The following THRAP3 variants were observed in gnomAD, a reference collection of about 807,000 sequenced individuals.
THRAP3 encodes the protein thyroid hormone receptor-associated protein 3.
THRAP3 carries 16 observed loss-of-function variants against 101.0 expected under a neutral mutation model. The ratio of observed to expected loss-of-function variants is 0.16; its 90% CI spans 0.11 to 0.24. The LOEUF (loss-of-function observed/expected upper bound fraction) is 0.24, where lower values mean the gene tolerates loss of function less well. Among genes scored for constraint, THRAP3 ranks in the 10% least tolerant of loss-of-function variants. The pLI is 1.00. For missense variants in THRAP3, 989 were observed against 1,202.7 expected, an observed-to-expected ratio of 0.82 and a Z score of 2.63; for synonymous variants, 407 against 422.6, an observed-to-expected ratio of 0.96 and a Z score of 0.45.
At chr1:36,233,148 G>A (rs1247516730) in intron 1 of THRAP3, among the ~76,000 whole-genome samples, 5 of 150,824 alleles carry the variant, frequency 3.3e-5, no homozygotes, top group Middle Eastern at 3.4e-3. Flanking sequence ...GATTACAGGC[G>A]TGAGCCACTG....
chr1:36,291,345 A>C, intron 5 of THRAP3, 29 bp from the exon 6 acceptor site: 18 of 1,607,452 alleles, frequency 1.1e-5, no homozygotes, highest in Non-Finnish European at 1.5e-5. Flanking sequence ...ATTGTGTTCT[A>C]ATTGGGCCTC....
At chr1:36,302,121 A>G (rs1646037547) in intron 11 of THRAP3, among the ~76,000 whole-genome samples, 2 of 152,204 alleles carry the variant, frequency 1.3e-5, no homozygotes, top group Non-Finnish European at 1.5e-5. Context: ...TGTCTCTCCA[A>G]AATGAAATGC....
Position 36,295,287 on chromosome 1 carries a change from C to CT in THRAP3, c.2116-1286dup, listed in dbSNP as rs746652907. Reference sequence around the variant, plus strand: ...AGTTTCTGCCACTCCTGCTGTTAAACTTTTTTTTTTAAAAGTTTAGTAGTT... The same window carrying CT: ...AGTTTCTGCCACTCCTGCTGTTAAACTTTTTTTTTTTAAAAGTTTAGTAGTT... On this transcript the variant is annotated intron_variant, in intron 8 of 11. Coordinates refer to ENST00000354618, the MANE Select transcript of THRAP3 (RefSeq NM_005119.4). 1.6e-3 allele frequency among the ~76,000 whole-genome samples: 228 copies of CT among 144,674 alleles called. 1 individual carries two copies. The highest frequency in any genetic ancestry group is 2.5e-3 in the Non-Finnish European group (164 of 65,544). 94.9% of individuals were successfully genotyped at this position (144,674 alleles called of 152,430 possible).
intron 5 of THRAP3, 67 bp downstream of exon 5, chr1:36,289,831 C>G: frequency 6.6e-7 from 1 of 1,515,758 alleles, no homozygotes; most frequent in Non-Finnish European, 8.8e-7. Context: ...AGCCTTTCTC[C>G]CTGGGGACAT....
At chr1:36,238,395 G>T (rs540323304) in intron 1 of THRAP3, among the ~76,000 whole-genome samples, 9 of 152,188 alleles carry the variant, frequency 5.9e-5, no homozygotes, top group Admixed American at 3.9e-4. Flanking sequence ...GGAAATATGT[G>T]GTATGAAAAA....
chr1:36,268,101 A>G (rs1256374225), intron 2 of THRAP3, among the ~76,000 whole-genome samples: 1 of 151,764 alleles, frequency 6.6e-6, no homozygotes, highest in Non-Finnish European at 1.5e-5. Flanking sequence ...AATCACTTGA[A>G]CCCAAGAGGT....
upstream of THRAP3, among the ~76,000 whole-genome samples, chr1:36,221,848 T>C (rs954673947): frequency 1.3e-5 from 2 of 151,694 alleles, no homozygotes; most frequent in Non-Finnish European, 2.9e-5. Flanking sequence ...TTGCTCTTGT[T>C]ACTCAGGCTG....
At chr1:36,303,549 T>C (rs1239570403) in intron 11 of THRAP3, among the ~76,000 whole-genome samples, 1 of 151,608 alleles carries the variant, frequency 6.6e-6, no homozygotes, top group East Asian at 1.9e-4. Flanking sequence ...TCATCATCAT[T>C]GTCAATCATC....
intron 1 of THRAP3, among the ~76,000 whole-genome samples, chr1:36,247,827 T>G (rs1435807006): frequency 2.0e-5 from 3 of 151,952 alleles, no homozygotes; most frequent in Non-Finnish European, 2.9e-5. Context: ...TTATTCCTCT[T>G]AACTGAAATT....
intron 2 of THRAP3, among the ~76,000 whole-genome samples, chr1:36,280,795 C>T (rs1645720932): frequency 1.3e-5 from 2 of 151,720 alleles, no homozygotes; most frequent in Non-Finnish European, 1.5e-5. Flanking sequence ...AGAAGTATAC[C>T]TTGTAGACCA....
upstream of THRAP3, among the ~76,000 whole-genome samples, chr1:36,224,007 C>G (rs1644926576): frequency 6.6e-6 from 1 of 152,142 alleles, no homozygotes; most frequent in African/African-American, 2.4e-5. Flanking sequence ...TGAATTTGCT[C>G]AAGGTCACAA....
intron 7 of THRAP3, 127 bp downstream of exon 7, chr1:36,292,836 C>G (rs1026261919): frequency 3.1e-6 from 2 of 654,076 alleles, no homozygotes; most frequent in Non-Finnish European, 5.3e-6. Flanking sequence ...CCTTCAGACT[C>G]TAAGAGAGCT....
intron 1 of THRAP3, among the ~76,000 whole-genome samples, chr1:36,235,488 G>A (rs1645074284): frequency 6.6e-6 from 1 of 152,052 alleles, no homozygotes; most frequent in Non-Finnish European, 1.5e-5. Flanking sequence ...TAGAAAAATT[G>A]GTTGACCATT....
chr1:36,296,464 TCA>T (rs1645952659), intron 8 of THRAP3, 117 bp from the exon 9 acceptor site: 2 of 769,100 alleles, frequency 2.6e-6, no homozygotes, highest in Non-Finnish European at 4.1e-6. Context: ...GTGAGATGCC[TCA>T]CATTTCCCAG....
chr1:36,246,433 A>G (rs1645231636), intron 1 of THRAP3, among the ~76,000 whole-genome samples: 1 of 151,706 alleles, frequency 6.6e-6, no homozygotes, highest in Non-Finnish European at 1.5e-5. Context: ...GGGTTTCACC[A>G]TGTTGGCCAG....
intron 2 of THRAP3, among the ~76,000 whole-genome samples, chr1:36,267,056 G>T (rs1021558566): frequency 2.0e-5 from 3 of 151,950 alleles, no homozygotes; most frequent in Non-Finnish European, 4.4e-5. Flanking sequence ...AAATTTTTTT[G>T]TATTTTTAGT....
At chr1:36,263,196 C>T (rs1645470021) in intron 2 of THRAP3, among the ~76,000 whole-genome samples, 1 of 134,386 alleles carries the variant, frequency 7.4e-6, no homozygotes, top group Non-Finnish European at 1.6e-5. Context: ...ACCTCCCAGG[C>T]TCAGGTGATC....
At chr1:36,212,989 A>T in the THRAP3 span, among the ~76,000 whole-genome samples, 1 of 152,194 alleles carries the variant, frequency 6.6e-6, no homozygotes, top group Non-Finnish European at 1.5e-5. Flanking sequence ...AGGAAGCAGG[A>T]AGTCCAGAGT....
At chr1:36,232,273 C>T (rs1022231048) in intron 1 of THRAP3, among the ~76,000 whole-genome samples, 20 of 152,012 alleles carry the variant, frequency 1.3e-4, no homozygotes, top group Admixed American at 1.2e-3. Context: ...CATAAGATGA[C>T]CCTTTACATA....
Sources: gnomAD v4.1 joint callset for allele counts (sites outside exome capture counted in the v4.1 genomes callset) on GRCh38, gnomAD v4.1.1 for gene constraint, MANE v1.5 for transcripts, NCBI Gene and HGNC (gene_info 2026-07-23, HGNC 2026-07-21) for gene names.